AMPD2: variants seen among roughly 807,000 people sequenced by gnomAD.
AMPD2 encodes the protein adenosine monophosphate deaminase 2, also known as AMP deaminase 2.
A neutral mutation model predicts 91.3 loss-of-function variants in AMPD2; 52 were observed. The observed-to-expected ratio is 0.57, with a 90% confidence interval of 0.46 to 0.72. AMPD2 has a LOEUF of 0.72. Among genes scored for constraint, AMPD2 ranks in the 30% least tolerant of loss-of-function variants. AMPD2 has a pLI of 0.00. For missense variants in AMPD2, 822 were observed against 1,122.3 expected (o/e 0.73, Z 3.82); for synonymous variants, 455 against 456.4 (o/e 1.00, Z 0.04).
At position 109,627,179 on chromosome 1, in the gene AMPD2, C is replaced by T. The variant is rs749059678; in HGVS notation, c.723C>T (p.Ala241=). Residue 241 remains alanine, a synonymous_variant, in exon 8 of 19, where the codon GCC becomes GCT. Coordinates refer to ENST00000528667, the MANE Select transcript of AMPD2 (RefSeq NM_001368809.2). ...QGPDTPVSAD[A]PVHPPALEQH... ...TTACCCTCCTCACCCCTGCAGATGC[C>T]CCGGTGCACCCCCCTGCGCTGGAGC... 7.4e-6 allele frequency: 12 copies of T among 1,613,008 alleles called. No homozygotes were observed. The highest frequency in any genetic ancestry group is 1.0e-5 in the Non-Finnish European group (12 of 1,179,862).
At position 109,625,816 on chromosome 1, in the gene AMPD2, A is replaced by C. The variant is rs778126252; in HGVS notation, c.353+24A>C. Reference sequence around the variant, plus strand: ...AAGTGAGCCCGGCAGGCAGCTGCTTAGTCTCCCTCCATACCCTTCCAGACC... The same window carrying C: ...AAGTGAGCCCGGCAGGCAGCTGCTTCGTCTCCCTCCATACCCTTCCAGACC... On this transcript the variant is annotated intron_variant, in intron 4 of 18. Coordinates refer to ENST00000528667, the MANE Select transcript of AMPD2 (RefSeq NM_001368809.2). The surrounding 1 kb of genome is among the most constrained non-coding windows in gnomAD (Gnocchi z 4.0). The C allele has an allele frequency of 1.9e-6, 3 of 1,613,622 alleles. No homozygotes were observed. In the Admixed American group the frequency reaches 5.0e-5, roughly 27 times the overall value.
Position 109,627,793 on chromosome 1 carries a change from C to T in AMPD2, c.970C>T (p.Arg324Trp), listed in dbSNP as rs776868175. 8.7e-6 allele frequency: 14 copies of T among 1,614,118 alleles called. No individual in the cohort carries two copies. The highest frequency in any genetic ancestry group is 2.2e-5 in the South Asian group (2 of 91,070). Residue 324 changes from arginine (R) to tryptophan (W), a missense_variant, in exon 10 of 19, where the codon CGG (arginine) becomes TGG (tryptophan). By Grantham distance (101) the Arg-to-Trp change is moderately radical (BLOSUM62 -3). Transcript: ENST00000528667. ...GCCCAGAAAGTCATTCTGCTACCGC[C>T]GGCTGCAGTACCTGAGCTCCAAGTT... ...NGPIKSFCYR[R>W]LQYLSSKFQM...
chr1:109,629,605 A>T, intron 15 of AMPD2, 115 bp downstream of exon 15: 1 of 1,474,518 alleles, frequency 6.8e-7, no homozygotes, highest in Non-Finnish European at 9.2e-7. Context: ...CCTGGACTGG[A>T]TGGGTTCTTT....
chr1:109,622,042 T>G, intron 2 of AMPD2: 1 of 368,822 alleles, frequency 2.7e-6, no homozygotes, highest in South Asian at 2.0e-5. Context: ...GATATCTGCC[T>G]GCTGTCTGCT....
At chr1:109,626,539 C>G in intron 6 of AMPD2, 112 bp downstream of exon 6, 1 of 1,311,330 alleles carries the variant, frequency 7.6e-7, no homozygotes, top group Non-Finnish European at 1.0e-6. Context: ...TTTCCAGCAG[C>G]TGGAGGGGCG....
At chr1:109,630,489 G>GGGGGGGC in intron 17 of AMPD2, 83 bp downstream of exon 17, 1 of 456,678 alleles carries the variant, frequency 2.2e-6, no homozygotes, top group Non-Finnish European at 4.3e-6. Context: ...GGTGGGGGGG[G>GGGGGGGC]CGGTCTCTCG....
intron 2 of AMPD2, among the ~76,000 whole-genome samples, chr1:109,622,634 T>C (rs1432909922): frequency 2.6e-5 from 4 of 152,186 alleles, no homozygotes; most frequent in African/African-American, 4.8e-5. Flanking sequence ...ACTGCCCGTG[T>C]GCCACCTTCA....
rs772949801 is a variant in AMPD2 at position 109,628,426 on chromosome 1, C to T, written c.1338C>T (p.Ser446=). The T allele has an allele frequency of 2.1e-5, 34 of 1,613,672 alleles. No individual in the cohort carries two copies. The highest frequency in any genetic ancestry group is 1.6e-4 in the African/African-American group (12 of 74,908). Reference sequence around the variant, plus strand: ...CCAAATACAACCCTATTGGGGAGTCCGTCCTCCGAGAGATCTTCATCAAGA... The same window carrying T: ...CCAAATACAACCCTATTGGGGAGTCTGTCCTCCGAGAGATCTTCATCAAGA... ...FNAKYNPIGE[S]VLREIFIKTD... is the part of the protein sequence containing the mutation. The change falls in exon 12 of 19, where the codon TCC becomes TCT. Residue 446 remains serine, a synonymous_variant. Transcript: ENST00000528667. This position sits in a 1 kb window ranked among gnomAD's most constrained non-coding sequence, Gnocchi z 7.1.
chr1:109,630,813 G>A lies in AMPD2; in HGVS notation c.2268+20G>A, dbSNP rs1262153385. 6.3e-7 allele frequency: 1 copy of A among 1,599,498 alleles called. No homozygotes were observed. Among genetic ancestry groups the A allele is most frequent in the Non-Finnish European group, 8.5e-7 (1 of 1,172,766 alleles). ...CACAAGGTACTACAGCGCCTGCCTG[G>A]ACCTTGGCATGGCATCACTCCTCCC... On this transcript the variant is annotated intron_variant, in intron 18 of 18. Coordinates refer to ENST00000528667, the MANE Select transcript of AMPD2 (RefSeq NM_001368809.2).
chr1:109,628,692 G>C lies in AMPD2; in HGVS notation c.1457G>C (p.Arg486Pro). Residue 486 changes from arginine (R) to proline (P), a missense_variant, in exon 13 of 19, where the codon CGG (arginine) becomes CCG (proline). This residue lies in a region of AMPD2 where 430 missense variants were observed against 606.0 expected (regional missense o/e 0.71). Coordinates refer to ENST00000528667, the MANE Select transcript of AMPD2 (RefSeq NM_001368809.2). The surrounding 1 kb of genome is among the most constrained non-coding windows in gnomAD (Gnocchi z 7.1). ...AGCAAATACCAGAATGCAGAGCTGC[G>C]GCTCTCCATTTACGGGCGCTCGAGG... ...EESKYQNAEL[R>P]LSIYGRSRDE... 1 of 1,613,822 alleles carries C rather than the reference G, an allele frequency of 6.2e-7. No individual in the cohort carries two copies. Among genetic ancestry groups the C allele is most frequent in the Non-Finnish European group, 8.5e-7 (1 of 1,179,926 alleles).
chr1:109,621,832 T>G (rs1650300601), intron 2 of AMPD2, among the ~76,000 whole-genome samples: 1 of 152,248 alleles, frequency 6.6e-6, no homozygotes, highest in South Asian at 2.1e-4. Flanking sequence ...ATTGTGAGCC[T>G]CCTTAGGAGT....
rs1328439356 is a variant in AMPD2 at position 109,625,449 on chromosome 1, A to C, written c.222+16A>C. ...GATCGCCGAGGTATCACCTGGCACC[A>C]CCCGCACCCTCACCCCGTGTCTCCA... is the stretch of plus-strand genomic sequence containing the variant. On this transcript the variant is annotated intron_variant, in intron 3 of 18. Coordinates refer to ENST00000528667, the MANE Select transcript of AMPD2 (RefSeq NM_001368809.2). This position sits in a 1 kb window ranked among gnomAD's most constrained non-coding sequence, Gnocchi z 4.0. The C allele has an allele frequency of 6.2e-7, 1 of 1,613,486 alleles. No homozygotes were observed. The highest frequency in any genetic ancestry group is 1.1e-5 in the South Asian group (1 of 91,064).
rs1214904070 is a variant in AMPD2, at chr1:109,628,423, G to C, written c.1335G>C (p.Glu445Asp). The C allele has an allele frequency of 6.2e-7, 1 of 1,613,756 alleles. No homozygotes were observed. Among genetic ancestry groups the C allele is most frequent in the African/African-American group, 1.3e-5 (1 of 74,918 alleles). ...ATGCCAAATACAACCCTATTGGGGA[G>C]TCCGTCCTCCGAGAGATCTTCATCA... The part of the protein sequence containing the change: ...KFNAKYNPIG[E>D]SVLREIFIKT... Residue 445 changes from glutamate to aspartate, a missense_variant, in exon 12 of 19, where the codon GAG becomes GAC. By Grantham distance (45) the Glu-to-Asp change is conservative. Coordinates refer to ENST00000528667, the MANE Select transcript of AMPD2 (RefSeq NM_001368809.2). This position sits in a 1 kb window ranked among gnomAD's most constrained non-coding sequence, Gnocchi z 7.1.
Position 109,631,692 on chromosome 1 carries a change from G to T in AMPD2, c.*540G>T. The T allele has an allele frequency of 6.0e-6, 1 of 165,822 alleles. No homozygotes were observed. Among genetic ancestry groups the T allele is most frequent in the South Asian group, 1.4e-4 (1 of 6,942 alleles). 10.3% of individuals were successfully genotyped at this position (165,822 alleles called of 1,614,324 possible). On this transcript the variant is annotated 3_prime_UTR_variant, in exon 19 of 19. Transcript: ENST00000528667. Reference sequence around the variant, plus strand: ...GCTCAGTCACAGGCCTGGGCTTCCTGGCCTGAGTGGGTAGACGCAGGCGGC... The same window carrying T: ...GCTCAGTCACAGGCCTGGGCTTCCTTGCCTGAGTGGGTAGACGCAGGCGGC...
At position 109,630,256 on chromosome 1, in the gene AMPD2, C is replaced by A; in HGVS notation, c.2007C>A (p.Tyr669Ter). Residue 669 changes from tyrosine (Y) to a stop codon, truncating the protein, a stop_gained, in exon 17 of 19, where the codon TAC becomes TAA. Transcript: ENST00000528667. LOFTEE classifies it high-confidence loss of function. ...LRKAPVLQYL[Y>*]YLAQIGIAMS... ...AGGCCCCCGTCCTGCAGTACCTGTA[C>A]TACCTGGCCCAGATCGGCATCGCCA... 6.2e-7 allele frequency: 1 copy of A among 1,613,518 alleles called. No individual in the cohort carries two copies. The highest frequency in any genetic ancestry group is 8.5e-7 in the Non-Finnish European group (1 of 1,180,028).
At position 109,631,638 on chromosome 1, in the gene AMPD2, G is replaced by T; in HGVS notation, c.*486G>T. ...GCTGAGGGTCTGTGGAACTCCAGCAGCTCTGCACTGGGTAGAGCTGGGCCT... is the reference window on the plus strand; with the variant it reads ...GCTGAGGGTCTGTGGAACTCCAGCATCTCTGCACTGGGTAGAGCTGGGCCT... On this transcript the variant is annotated 3_prime_UTR_variant, in exon 19 of 19. Coordinates refer to ENST00000528667, the MANE Select transcript of AMPD2 (RefSeq NM_001368809.2). 1 of 215,480 alleles carries T rather than the reference G, an allele frequency of 4.6e-6. No homozygotes were observed. The highest frequency in any genetic ancestry group is 6.7e-5 in the South Asian group (1 of 14,978). 13.3% of individuals were successfully genotyped at this position (215,480 alleles called of 1,614,324 possible).
Position 109,631,068 on chromosome 1 carries a change from G to A in AMPD2, c.2394G>A (p.Ala798=), listed in dbSNP as rs1330818892. 2.5e-6 allele frequency: 4 copies of A among 1,613,722 alleles called. No individual in the cohort carries two copies. Among genetic ancestry groups the A allele is most frequent in the East Asian group, 2.2e-5 (1 of 44,876 alleles). Residue 798 remains alanine, a synonymous_variant, in exon 19 of 19, where the codon GCG becomes GCA. Transcript: ENST00000528667. Reference sequence around the variant, plus strand: ...ACGAGACCCTGTGCCAGGAGCTGGCGCTCATCACGCAGGCAGTCCAGAGTG... The same window carrying A: ...ACGAGACCCTGTGCCAGGAGCTGGCACTCATCACGCAGGCAGTCCAGAGTG... ...YRYETLCQEL[A]LITQAVQSEM... is the part of the protein sequence containing the mutation.
Position 109,625,873 on chromosome 1 carries a change from C to T in AMPD2, c.353+81C>T. The stretch of plus-strand genomic sequence containing the variant: ...GAGCCCCTTTTCTGCCTCTTTCCCT[C>T]GCACCCTGCCTTGGGGGGTCTGCAC... On this transcript the variant is annotated intron_variant, in intron 4 of 18. Transcript: ENST00000528667. This position sits in a 1 kb window ranked among gnomAD's most constrained non-coding sequence, Gnocchi z 4.0. 6 of 1,572,968 alleles carry T rather than the reference C, an allele frequency of 3.8e-6. No individual in the cohort carries two copies. Among genetic ancestry groups the T allele is most frequent in the Non-Finnish European group, 5.2e-6 (6 of 1,157,084 alleles).
At chr1:109,626,112 G>C in intron 4 of AMPD2, 48 bp from the exon 5 acceptor site, 1 of 1,605,056 alleles carries the variant, frequency 6.2e-7, no homozygotes, top group South Asian at 1.1e-5. Flanking sequence ...CTGGGAGCAA[G>C]GGCCGTCCCT....
Sources: gnomAD v4.1 joint callset for allele counts (sites outside exome capture counted in the v4.1 genomes callset) on GRCh38, gnomAD v4.1.1 for gene constraint, gnomAD v4.1.1 regional missense constraint, Gnocchi (gnomAD v3.1) non-coding constraint, MANE v1.5 for transcripts, NCBI Gene and HGNC (gene_info 2026-07-23, HGNC 2026-07-21) for gene names.